Variants in GRM7 observed in about 807,000 individuals in gnomAD.
GRM7 encodes the protein glutamate metabotropic receptor 7.
A neutral mutation model predicts 84.5 loss-of-function variants in GRM7; 35 were observed. The observed-to-expected ratio is 0.41, with a 90% CI of 0.32 to 0.55. GRM7 has a LOEUF of 0.55. Among genes scored for constraint, GRM7 ranks in the 20% least tolerant of loss-of-function variants. The pLI is 0.19. For synonymous variants in GRM7, 487 were observed against 455.1 expected (o/e 1.07, Z -0.89); for missense variants, 1,003 against 1,194.6 (o/e 0.84, Z 2.36).
chr3:7,044,956 A>G (rs1455578129), intron 1 of GRM7, among the ~76,000 whole-genome samples: 1 of 152,192 alleles, frequency 6.6e-6, no homozygotes, highest in African/African-American at 2.4e-5. Context: ...AGGTGAAATT[A>G]GTTAAAGCAT....
intron 1 of GRM7, among the ~76,000 whole-genome samples, chr3:7,115,912 A>G (rs1693015145): frequency 6.6e-6 from 1 of 152,182 alleles, no homozygotes; most frequent in African/African-American, 2.4e-5. Flanking sequence ...GCATTTGGGT[A>G]CAAAACAAGG....
At chr3:7,220,562 A>G (rs1696767249) in intron 2 of GRM7, among the ~76,000 whole-genome samples, 1 of 152,238 alleles carries the variant, frequency 6.6e-6, no homozygotes, top group African/African-American at 2.4e-5. Flanking sequence ...ACTAACTGTA[A>G]CATTTTCACC....
At chr3:7,217,978 A>G (rs1446251962) in intron 2 of GRM7, among the ~76,000 whole-genome samples, 1 of 152,066 alleles carries the variant, frequency 6.6e-6, no homozygotes, top group East Asian at 1.9e-4. Flanking sequence ...TGACTTTAGT[A>G]TATGATAGTG....
intron 8 of GRM7, among the ~76,000 whole-genome samples, chr3:7,654,337 G>C (rs1275787825): frequency 2.0e-5 from 3 of 152,054 alleles, no homozygotes; most frequent in Non-Finnish European, 4.4e-5. Flanking sequence ...AGCCTCATCT[G>C]TCACTCCCAC....
intron 1 of GRM7, among the ~76,000 whole-genome samples, chr3:6,892,053 G>A (rs796147277): frequency 2.0e-5 from 3 of 151,922 alleles, no homozygotes; most frequent in East Asian, 3.9e-4. Flanking sequence ...CATTCTTCAC[G>A]TAGTTCTCGA....
chr3:7,464,299 G>T (rs1698372458), intron 7 of GRM7, among the ~76,000 whole-genome samples: 1 of 152,122 alleles, frequency 6.6e-6, no homozygotes, highest in Non-Finnish European at 1.5e-5. Context: ...TGAGATGAGG[G>T]AGGCAGCTGG....
chr3:6,884,172 A>T (rs1158125177), intron 1 of GRM7: 3 of 152,650 alleles, frequency 2.0e-5, no homozygotes, highest in African/African-American at 7.2e-5. Flanking sequence ...ATGAAATTAT[A>T]TCAATTTGTC....
intron 8 of GRM7, among the ~76,000 whole-genome samples, chr3:7,645,148 C>T (rs190522336): frequency 3.3e-5 from 5 of 152,252 alleles, no homozygotes; most frequent in African/African-American, 1.2e-4. Flanking sequence ...TAACTAAGAC[C>T]TTGCCTCAGA....
intron 8 of GRM7, among the ~76,000 whole-genome samples, chr3:7,621,474 C>T (rs961391510): frequency 9.2e-5 from 14 of 152,068 alleles, no homozygotes; most frequent in African/African-American, 3.1e-4. Flanking sequence ...TAGCATCTAC[C>T]GGAATGCACC....
At chr3:7,561,455 G>C (rs758956337) in intron 7 of GRM7, 10 of 455,008 alleles carry the variant, frequency 2.2e-5, no homozygotes, top group African/African-American at 6.0e-5. Context: ...AATGGCCTTT[G>C]ATTATGAGAT....
intron 7 of GRM7, among the ~76,000 whole-genome samples, chr3:7,537,572 C>T (rs142192384): frequency 6.6e-6 from 1 of 152,304 alleles, no homozygotes; most frequent in East Asian, 1.9e-4. Context: ...TAAAGGTCCA[C>T]AGGCACTTAT....
At chr3:7,399,987 G>T (rs549046929) in intron 4 of GRM7, among the ~76,000 whole-genome samples, 2 of 152,272 alleles carry the variant, frequency 1.3e-5, no homozygotes, top group African/African-American at 4.8e-5. Context: ...TACCTCAGAG[G>T]TATTAGAAGG....
chr3:7,515,805 T>G (rs1145136), intron 7 of GRM7, among the ~76,000 whole-genome samples: 44,422 of 151,676 alleles, frequency 0.29, 6,840 homozygotes, highest in Middle Eastern at 0.38. Flanking sequence ...CCTCTTGCTG[T>G]GTAAACTAGG....
chr3:6,893,350 T>A lies in GRM7; in HGVS notation c.519+31443T>A, dbSNP rs1696044492. Among the ~76,000 whole-genome samples, 3 of 152,326 alleles carry A rather than the reference T, an allele frequency of 2.0e-5. No homozygotes were observed. In the South Asian group the frequency reaches 6.2e-4, roughly 32 times the overall value. On this transcript the variant is annotated intron_variant, in intron 1 of 9. Coordinates refer to ENST00000357716, the MANE Select transcript of GRM7 (RefSeq NM_000844.4). ...ATAGATAATATTAATATAAAGTAAA[T>A]TACTTTAAAGTATCTTGGCATATAT...
At chr3:7,360,399 T>C (rs1017078275) in intron 4 of GRM7, among the ~76,000 whole-genome samples, 1 of 124,962 alleles carries the variant, frequency 8.0e-6, no homozygotes, top group Non-Finnish European at 1.7e-5. Context: ...AAATGAAACA[T>C]GGCAAATAAT....
chr3:7,015,436 A>C (rs1695529764), intron 1 of GRM7, among the ~76,000 whole-genome samples: 1 of 152,246 alleles, frequency 6.6e-6, no homozygotes, highest in Non-Finnish European at 1.5e-5. Context: ...GCTATGACAG[A>C]TGCTGTGCTT....
chr3:6,940,415 G>C (rs571651612), intron 1 of GRM7, among the ~76,000 whole-genome samples: 64 of 152,224 alleles, frequency 4.2e-4, no homozygotes, highest in Admixed American at 1.1e-3. Context: ...TGAGAAATTT[G>C]TTCTTACTCA....
chr3:7,740,606 C>G lies in GRM7; in HGVS notation c.*200C>G, dbSNP rs1369504742. On this transcript the variant is annotated 3_prime_UTR_variant, in exon 10 of 10. Transcript: ENST00000357716. The stretch of plus-strand genomic sequence containing the variant: ...TACTTTATCTGGGCTTAATAAGTCA[C>G]TGACATCAGCACTGCCAACTCGGCT... 2 of 441,286 alleles carry G rather than the reference C, an allele frequency of 4.5e-6. No individual in the cohort carries two copies. Among genetic ancestry groups the G allele is most frequent in the Non-Finnish European group, 8.0e-6 (2 of 250,590 alleles). 27.3% of individuals were successfully genotyped at this position (441,286 alleles called of 1,614,324 possible). A position where few individuals can be genotyped will look rare whatever the true frequency, so the allele number is the denominator to read the frequency against.
At chr3:6,880,574 T>G (rs930749789) in intron 1 of GRM7, among the ~76,000 whole-genome samples, 1 of 151,970 alleles carries the variant, frequency 6.6e-6, no homozygotes, top group Non-Finnish European at 1.5e-5. Context: ...TTATATCTGA[T>G]TTTTTTTCCC....
Sources: gnomAD v4.1 joint callset for allele counts (sites outside exome capture counted in the v4.1 genomes callset) on GRCh38, gnomAD v4.1.1 for gene constraint, MANE v1.5 for transcripts, NCBI Gene and HGNC (gene_info 2026-07-23, HGNC 2026-07-21) for gene names.